Variants in NPNT observed in about 807,000 individuals in gnomAD.
NPNT encodes preosteoblast EGF-like repeat protein with MAM domain.
In NPNT, 45 loss-of-function variants were observed where a neutral mutation model predicts 68.6. The ratio of observed to expected loss-of-function variants is 0.66; its 90% confidence interval spans 0.52 to 0.84. The LOEUF is 0.84. NPNT is among the 40% of genes least tolerant of loss of function. The pLI is 0.00. For synonymous variants in NPNT, 233 were observed against 253.3 expected, an observed-to-expected ratio of 0.92 and a Z score of 0.76; for missense variants, 672 against 714.8, an observed-to-expected ratio of 0.94 and a Z score of 0.68.
At chr4:105,936,380 T>G (rs988624160) in intron 3 of NPNT, among the ~76,000 whole-genome samples, 1 of 152,204 alleles carries the variant, frequency 6.6e-6, no homozygotes, top group Non-Finnish European at 1.5e-5. Context: ...CAAGAAAAAC[T>G]ACAATATTGA....
chr4:105,967,242 G>C lies in NPNT; in HGVS notation c.1400G>C (p.Arg467Pro), dbSNP rs1029664996. The C allele has an allele frequency of 1.9e-6, 3 of 1,614,000 alleles. No individual in the cohort carries two copies. The highest frequency in any genetic ancestry group is 2.5e-6 in the Non-Finnish European group (3 of 1,179,992). ...AAAGCCCCAGGGGGAAAAGCTGCAC[G>C]CTTGGTGCTACCTCTCGGCCGCCTC... ...AAKAPGGKAARLVLPLGRLMH... is the reference protein window; with the variant it reads ...AAKAPGGKAAPLVLPLGRLMH... Residue 467 changes from arginine (R) to proline (P), a missense_variant, in exon 11 of 12, where the codon CGC becomes CCC. By Grantham distance (103) the Arg-to-Pro change is moderately radical. Coordinates refer to ENST00000379987, the MANE Select transcript of NPNT (RefSeq NM_001033047.3).
chr4:105,903,104 A>T (rs969492136), intron 2 of NPNT, among the ~76,000 whole-genome samples: 4 of 152,160 alleles, frequency 2.6e-5, no homozygotes, highest in African/African-American at 4.8e-5. Context: ...ACGCATGTAC[A>T]CACTGGGACC....
chr4:105,918,980 T>A (rs1215666828), intron 2 of NPNT, among the ~76,000 whole-genome samples: 1 of 152,090 alleles, frequency 6.6e-6, no homozygotes, highest in Non-Finnish European at 1.5e-5. Flanking sequence ...TCTGTATAGG[T>A]TGCACATTTC....
intron 2 of NPNT, among the ~76,000 whole-genome samples, chr4:105,924,211 T>G (rs537184924): frequency 1.1e-3 from 163 of 152,144 alleles, no homozygotes; most frequent in Non-Finnish European, 1.3e-3. Flanking sequence ...AGCCAATATA[T>G]TTTAGTTCCA....
chr4:105,911,659 G>A (rs1202864179), intron 2 of NPNT: 1 of 153,658 alleles, frequency 6.5e-6, no homozygotes, highest in African/African-American at 2.4e-5. Flanking sequence ...AAAATGCTGT[G>A]GAAGGGAAGA....
At chr4:105,910,966 A>C (rs1449078163) in intron 2 of NPNT, among the ~76,000 whole-genome samples, 5 of 152,198 alleles carry the variant, frequency 3.3e-5, no homozygotes, top group South Asian at 2.1e-4. Flanking sequence ...TTTCCTGATA[A>C]ATTTGATGAC....
chr4:105,957,469 C>T (rs1400410271), intron 8 of NPNT, among the ~76,000 whole-genome samples: 1 of 151,938 alleles, frequency 6.6e-6, no homozygotes, highest in East Asian at 1.9e-4. Flanking sequence ...ATGCTTTGTC[C>T]CACTTGTGTC....
chr4:105,959,082 A>G lies in NPNT; in HGVS notation c.1301A>G (p.Glu434Gly), dbSNP rs931564372. The change falls in exon 10 of 12, where the codon GAG becomes GGG. Residue 434 changes from glutamate (E) to glycine (G), a missense_variant. Physicochemically the swap from Glu to Gly is moderately conservative, Grantham distance 98. Coordinates refer to ENST00000379987, the MANE Select transcript of NPNT (RefSeq NM_001033047.3). Reference sequence around the variant, plus strand: ...CATGGACTTTGTGGATGGATCAGGGAGAAAGACAATGACTTGCACTGGGAA... The same window carrying G: ...CATGGACTTTGTGGATGGATCAGGGGGAAAGACAATGACTTGCACTGGGAA... ...FDHGLCGWIR[E>G]KDNDLHWEPI... 28 of 1,613,580 alleles carry G rather than the reference A, an allele frequency of 1.7e-5. No individual in the cohort carries two copies. The highest frequency in any genetic ancestry group is 2.4e-5 in the Non-Finnish European group (28 of 1,179,644).
chr4:105,916,775 T>C (rs1727851345), intron 2 of NPNT, among the ~76,000 whole-genome samples: 1 of 152,206 alleles, frequency 6.6e-6, no homozygotes, highest in Admixed American at 6.5e-5. Flanking sequence ...GGAGGCAGTG[T>C]CTTATACATC....
chr4:105,933,368 C>T (rs1203750661), intron 3 of NPNT, among the ~76,000 whole-genome samples: 1 of 152,122 alleles, frequency 6.6e-6, no homozygotes, highest in Non-Finnish European at 1.5e-5. Flanking sequence ...TTTACAGTTC[C>T]TCTTTTAGGT....
chr4:105,941,306 T>C (rs1729933242), intron 7 of NPNT, among the ~76,000 whole-genome samples: 1 of 152,056 alleles, frequency 6.6e-6, no homozygotes, highest in East Asian at 1.9e-4. Context: ...GCTCTGACCA[T>C]GCCACTGCAC....
chr4:105,957,627 G>A (rs1427725421), intron 8 of NPNT, among the ~76,000 whole-genome samples: 2 of 152,138 alleles, frequency 1.3e-5, no homozygotes, highest in Non-Finnish European at 2.9e-5. Context: ...GGACCTCAGA[G>A]ACTAGCAGAG....
At chr4:105,953,706 A>C (rs192655121) in intron 8 of NPNT, among the ~76,000 whole-genome samples, 2 of 152,228 alleles carry the variant, frequency 1.3e-5, no homozygotes, top group Admixed American at 6.5e-5. Context: ...TTGCCACCAG[A>C]AACAGCCTTC....
At chr4:105,920,985 T>C (rs1728216081) in intron 2 of NPNT, among the ~76,000 whole-genome samples, 1 of 152,150 alleles carries the variant, frequency 6.6e-6, no homozygotes, top group Admixed American at 6.5e-5. Flanking sequence ...GCTGCATCAA[T>C]GGTTCAGAAT....
Position 105,927,324 on chromosome 4 carries a change from T to G in NPNT, c.173-12T>G, listed in dbSNP as rs1427192669. On this transcript the variant is annotated splice_polypyrimidine_tract_variant and intron_variant, in intron 2 of 11. Transcript: ENST00000379987. ...TGACCTAGAAATAATGCATGCCATC[T>G]TCTTTTCACAGCTGTGTGCCAACCA... is the stretch of plus-strand genomic sequence containing the variant. The G allele has an allele frequency of 6.3e-7, 1 of 1,586,086 alleles. No individual in the cohort carries two copies. The highest frequency in any genetic ancestry group is 8.7e-7 in the Non-Finnish European group (1 of 1,155,954).
intron 2 of NPNT, among the ~76,000 whole-genome samples, chr4:105,914,200 C>CTATA (rs756324208): frequency 2.1e-5 from 3 of 144,030 alleles, no homozygotes; most frequent in African/African-American, 7.7e-5. Context: ...TCAGTTGATA[C>CTATA]TATATATATA....
chr4:105,955,885 A>C (rs1731190065), intron 8 of NPNT, among the ~76,000 whole-genome samples: 1 of 152,086 alleles, frequency 6.6e-6, no homozygotes, highest in Non-Finnish European at 1.5e-5. Context: ...GTGAGGAAGG[A>C]AAATTAGTTA....
At chr4:105,964,015 T>C (rs991569927) in intron 10 of NPNT, among the ~76,000 whole-genome samples, 1 of 152,088 alleles carries the variant, frequency 6.6e-6, no homozygotes, top group Non-Finnish European at 1.5e-5. Flanking sequence ...AGGAAGAACA[T>C]GGACTTTGAA....
chr4:105,942,524 TCCA>T lies in NPNT; in HGVS notation c.996_998del (p.Pro333del), dbSNP rs368167746. ...CACCAAAGCCAACACCAATTCCTAC[TCCA>T]CCACCACCACCACCCCTGCCAACAG... On this transcript the variant is annotated inframe_deletion, in exon 8 of 12. Transcript: ENST00000379987. 4 of 1,612,138 alleles carry T rather than the reference TCCA, an allele frequency of 2.5e-6. No individual in the cohort carries two copies. The highest frequency in any genetic ancestry group is 2.2e-5 in the East Asian group (1 of 44,832).
Sources: allele counts gnomAD v4.1 joint callset (sites outside exome capture counted in the v4.1 genomes callset), GRCh38; gene constraint gnomAD v4.1.1; transcripts MANE v1.5; gene names NCBI Gene and HGNC (gene_info 2026-07-23, HGNC 2026-07-21).